The following RABGAP1L variants were observed in gnomAD, a reference collection of about 807,000 sequenced individuals.
RABGAP1L encodes the protein rab GTPase-activating protein 1-like.
RABGAP1L carries 63 observed loss-of-function variants against 137.7 expected under a neutral mutation model. The ratio of observed to expected loss-of-function variants is 0.46; its 90% CI spans 0.37 to 0.56. The LOEUF is 0.56. RABGAP1L is among the 20% of genes least tolerant of loss of function. The probability of loss-of-function intolerance (pLI) is 0.00; values close to 1 mark genes in which losing one functional copy is unlikely to be tolerated. For synonymous variants in RABGAP1L, 431 were observed against 433.7 expected, an observed-to-expected ratio of 0.99 and a Z score of 0.08; for missense variants, 1,095 against 1,244.0, an observed-to-expected ratio of 0.88 and a Z score of 1.80.
chr1:174,568,200 A>G (rs1354705240), intron 13 of RABGAP1L, among the ~76,000 whole-genome samples: 2 of 152,088 alleles, frequency 1.3e-5, no homozygotes, highest in African/African-American at 4.8e-5. Flanking sequence ...ACTCTTTCAC[A>G]CAGCCAGATC....
chr1:174,924,331 G>T (rs1662324852), intron 19 of RABGAP1L, among the ~76,000 whole-genome samples: 1 of 137,686 alleles, frequency 7.3e-6, no homozygotes, highest in African/African-American at 2.8e-5. Context: ...AGGTTGAAGT[G>T]AGCCGAGATT....
intron 1 of RABGAP1L, among the ~76,000 whole-genome samples, chr1:174,183,025 C>T (rs1666502471): frequency 6.6e-6 from 1 of 152,172 alleles, no homozygotes; most frequent in Non-Finnish European, 1.5e-5. Flanking sequence ...AGTTTCATAA[C>T]AGCATGCATA....
At chr1:174,851,171 T>C (rs1205048834) in intron 19 of RABGAP1L, among the ~76,000 whole-genome samples, 2 of 152,228 alleles carry the variant, frequency 1.3e-5, no homozygotes, top group Admixed American at 6.5e-5. Context: ...GATATTGTTT[T>C]CAGCTGCTAA....
chr1:174,807,593 G>A (rs529769227), intron 18 of RABGAP1L, among the ~76,000 whole-genome samples: 3 of 152,272 alleles, frequency 2.0e-5, no homozygotes, highest in East Asian at 1.9e-4. Context: ...GAAGTCTCTC[G>A]AAGATAGAAA....
chr1:174,777,707 ATTAAAC>A (rs1466651683), intron 18 of RABGAP1L, among the ~76,000 whole-genome samples: 1 of 152,246 alleles, frequency 6.6e-6, no homozygotes, highest in Non-Finnish European at 1.5e-5. Flanking sequence ...AAAGAACCAA[ATTAAAC>A]TTTAAGAGAT....
chr1:174,746,193 G>A (rs1437991903), intron 17 of RABGAP1L, among the ~76,000 whole-genome samples: 2 of 152,182 alleles, frequency 1.3e-5, no homozygotes, highest in African/African-American at 4.8e-5. Context: ...GCAAGATTGT[G>A]GGTGCTTAAT....
intron 19 of RABGAP1L, among the ~76,000 whole-genome samples, chr1:174,939,637 T>C (rs1465718374): frequency 6.6e-6 from 1 of 152,190 alleles, no homozygotes; most frequent in Non-Finnish European, 1.5e-5. Flanking sequence ...AATAGTCTTA[T>C]TCTTATGCAT....
Position 174,250,458 on chromosome 1 carries a change from C to CT in RABGAP1L, c.718-11dup. On this transcript the variant is annotated splice_polypyrimidine_tract_variant and intron_variant, in intron 5 of 25. Coordinates refer to ENST00000681986, the MANE Select transcript of RABGAP1L (RefSeq NM_001366446.1). The stretch of plus-strand genomic sequence containing the variant: ...TAAAACCTTTGCCTAATGGTATTTC[C>CT]TTTTTTATTCTTTTAGGTAAGCAGA... The CT allele has an allele frequency of 6.3e-7, 1 of 1,588,844 alleles. No homozygotes were observed. Among genetic ancestry groups the CT allele is most frequent in the South Asian group, 1.2e-5 (1 of 86,896 alleles).
chr1:174,457,714 G>A (rs1656205034), intron 13 of RABGAP1L, among the ~76,000 whole-genome samples: 1 of 152,004 alleles, frequency 6.6e-6, no homozygotes. Flanking sequence ...TGTTGGCCAG[G>A]CTGGTCTCAA....
At chr1:174,422,140 C>T (rs1008493990) in intron 13 of RABGAP1L, among the ~76,000 whole-genome samples, 1 of 152,050 alleles carries the variant, frequency 6.6e-6, no homozygotes, top group Non-Finnish European at 1.5e-5. Flanking sequence ...CATAGGTACC[C>T]GTACTTAGAA....
intron 13 of RABGAP1L, among the ~76,000 whole-genome samples, chr1:174,613,860 T>C (rs1335360732): frequency 6.6e-6 from 1 of 152,198 alleles, no homozygotes; most frequent in African/African-American, 2.4e-5. Flanking sequence ...GTCTGTTTTA[T>C]CAGAGACTAG....
At chr1:174,704,971 G>T (rs1213442839) in intron 17 of RABGAP1L, among the ~76,000 whole-genome samples, 2 of 152,130 alleles carry the variant, frequency 1.3e-5, no homozygotes, top group East Asian at 3.8e-4. Context: ...GCTGAGTTTA[G>T]TATTTCATGG....
At chr1:174,545,834 T>C (rs925216996) in intron 13 of RABGAP1L, 54 of 152,366 alleles carry the variant, frequency 3.5e-4, no homozygotes, top group African/African-American at 1.2e-3. Context: ...CTGAATGACA[T>C]AGTACATTTT....
At chr1:174,199,593 A>G (rs1368066161) in intron 1 of RABGAP1L, among the ~76,000 whole-genome samples, 1 of 152,168 alleles carries the variant, frequency 6.6e-6, no homozygotes, top group African/African-American at 2.4e-5. Context: ...TGCCCGGCCC[A>G]TACATTGTTT....
intron 18 of RABGAP1L, among the ~76,000 whole-genome samples, chr1:174,764,823 A>G (rs1280946175): frequency 1.3e-5 from 2 of 152,078 alleles, no homozygotes; most frequent in African/African-American, 2.4e-5. Context: ...AGCCTGTGTC[A>G]TTATTCAGAC....
chr1:174,180,724 C>T (rs1056363618), intron 1 of RABGAP1L, among the ~76,000 whole-genome samples: 1 of 152,166 alleles, frequency 6.6e-6, no homozygotes, highest in African/African-American at 2.4e-5. Flanking sequence ...GCCTTGGCCT[C>T]CCAAAGTGCT....
intron 19 of RABGAP1L, among the ~76,000 whole-genome samples, chr1:174,842,637 A>G (rs1265224810): frequency 6.6e-6 from 1 of 152,194 alleles, no homozygotes; most frequent in East Asian, 1.9e-4. Flanking sequence ...CCACAATAGT[A>G]ATATATTAGG....
intron 17 of RABGAP1L, among the ~76,000 whole-genome samples, chr1:174,720,401 C>T (rs1305567066): frequency 1.3e-5 from 2 of 151,938 alleles, no homozygotes; most frequent in South Asian, 2.1e-4. Flanking sequence ...CCTACCTCTG[C>T]CTCCAGAGCT....
chr1:174,658,658 C>T (rs1676147126), intron 14 of RABGAP1L, among the ~76,000 whole-genome samples: 1 of 152,108 alleles, frequency 6.6e-6, no homozygotes, highest in Non-Finnish European at 1.5e-5. Context: ...CCATTCTTGG[C>T]CACCCACATC....
Sources: allele counts gnomAD v4.1 joint callset (sites outside exome capture counted in the v4.1 genomes callset), GRCh38; gene constraint gnomAD v4.1.1; transcripts MANE v1.5; gene names NCBI Gene and HGNC (gene_info 2026-07-23, HGNC 2026-07-21).